The following KIAA0232 variants were observed in gnomAD, a reference collection of about 807,000 sequenced individuals.
KIAA0232 encodes uncharacterized protein KIAA0232.
In KIAA0232, 27 loss-of-function variants were observed where a neutral mutation model predicts 122.0. That is an observed-to-expected ratio of 0.22 (90% confidence interval 0.16 to 0.31). The LOEUF (loss-of-function observed/expected upper bound fraction) is 0.31, where lower values mean the gene tolerates loss of function less well. KIAA0232 is among the 10% of genes least tolerant of loss of function. The probability of loss-of-function intolerance (pLI) is 1.00; values close to 1 mark genes in which losing one functional copy is unlikely to be tolerated. For synonymous variants in KIAA0232, 613 were observed against 587.6 expected (o/e 1.04, Z -0.63); for missense variants, 1,551 against 1,634.2 (o/e 0.95, Z 0.88).
rs1450519654 is a variant in KIAA0232 at position 6,855,928 on chromosome 4, T to A, written c.370-1236T>A. ...GCAGGTGCTTTCTGGTGCAACTGTT[T>A]GTGGTTGAACAGTGTTTATGACTAA... is the stretch of plus-strand genomic sequence containing the variant. On this transcript the variant is annotated intron_variant, in intron 4 of 9. Coordinates refer to ENST00000307659, the MANE Select transcript of KIAA0232 (RefSeq NM_014743.3). The surrounding 1 kb of genome is among the most constrained non-coding windows in gnomAD (Gnocchi z 4.3). The A allele has an allele frequency of 3.4e-6, 3 of 882,992 alleles. No homozygotes were observed. Among genetic ancestry groups the A allele is most frequent in the Non-Finnish European group, 4.1e-6 (3 of 736,610 alleles). The allele number at this position is 882,992 out of a possible 1,614,324, so 54.7% of individuals were successfully genotyped here. A position where few individuals can be genotyped will look rare whatever the true frequency, so the allele number is the denominator to read the frequency against.
rs780913043 is a variant in KIAA0232, at chr4:6,880,916, G to A, written c.4138G>A (p.Glu1380Lys). 15 of 1,604,460 alleles carry A rather than the reference G, an allele frequency of 9.3e-6. No homozygotes were observed. In the African/African-American group the frequency reaches 1.1e-4, roughly 11 times the overall value. ...SEETGSEGGG[E>K]WVGPSEEELF... ...AGAGACAGGCTCAGAAGGCGGAGGC[G>A]AGTGGGTGGGCCCTAGTGAAGAGGA... The change falls in exon 10 of 10, where the codon GAG becomes AAG. Residue 1380 changes from glutamate (E) to lysine (K), a missense_variant. Physicochemically the swap from Glu to Lys is moderately conservative, Grantham distance 56. Around this residue, in one of 5 missense-constraint regions of KIAA0232, gnomAD observed 1,108 missense variants for 1,154.8 expected, o/e 0.96. Transcript: ENST00000307659.
At chr4:6,878,632 T>C (rs1264220344) in intron 9 of KIAA0232, among the ~76,000 whole-genome samples, 1 of 152,180 alleles carries the variant, frequency 6.6e-6, no homozygotes, top group African/African-American at 2.4e-5. Context: ...TCCCTTTGCC[T>C]TCAGCAAGCA....
At chr4:6,827,115 T>C (rs563001475) in intron 3 of KIAA0232, among the ~76,000 whole-genome samples, 1 of 152,208 alleles carries the variant, frequency 6.6e-6, no homozygotes, top group African/African-American at 2.4e-5. Flanking sequence ...ATTTTTCTAC[T>C]TGGTCCAAAG....
At chr4:6,797,782 A>AG (rs995177021) in intron 1 of KIAA0232, among the ~76,000 whole-genome samples, 3 of 151,418 alleles carry the variant, frequency 2.0e-5, no homozygotes, top group African/African-American at 7.3e-5. Context: ...AAAAAAAAAA[A>AG]AAAAAAAGGC....
intron 2 of KIAA0232, among the ~76,000 whole-genome samples, chr4:6,814,292 G>C (rs1718016919): frequency 6.6e-6 from 1 of 151,792 alleles, no homozygotes; most frequent in African/African-American, 2.4e-5. Context: ...CTTTGTTGTA[G>C]AGAACTGCAA....
intron 1 of KIAA0232, among the ~76,000 whole-genome samples, chr4:6,803,603 A>G (rs1375562016): frequency 6.6e-6 from 1 of 152,200 alleles, no homozygotes; most frequent in African/African-American, 2.4e-5. Flanking sequence ...TATTCACTTA[A>G]AGAGAATACT....
intron 3 of KIAA0232, among the ~76,000 whole-genome samples, chr4:6,836,834 A>G (rs1321205931): frequency 6.6e-6 from 1 of 151,970 alleles, no homozygotes; most frequent in East Asian, 1.9e-4. Flanking sequence ...TAGTGGACAC[A>G]GCACATGTTT....
chr4:6,799,405 G>T (rs1314873481), intron 1 of KIAA0232, among the ~76,000 whole-genome samples: 1 of 151,498 alleles, frequency 6.6e-6, no homozygotes. Flanking sequence ...GGGGGAAACA[G>T]TTCAGTCCAC....
At chr4:6,795,291 C>G (rs1366655571) in intron 1 of KIAA0232, among the ~76,000 whole-genome samples, 1 of 152,136 alleles carries the variant, frequency 6.6e-6, no homozygotes, top group Non-Finnish European at 1.5e-5. Context: ...CCAGGATGAT[C>G]TCGATCTCCT....
Position 6,880,982 on chromosome 4 carries a change from C to A in KIAA0232, c.*16C>A. 1 of 1,446,506 alleles carries A rather than the reference C, an allele frequency of 6.9e-7. No homozygotes were observed. The highest frequency in any genetic ancestry group is 2.6e-5 in the East Asian group (1 of 38,778). The allele number at this position is 1,446,506 out of a possible 1,614,324, so 89.6% of individuals were successfully genotyped here. On this transcript the variant is annotated 3_prime_UTR_variant, in exon 10 of 10. Coordinates refer to ENST00000307659, the MANE Select transcript of KIAA0232 (RefSeq NM_014743.3). ...TCATCTCTAAACCTGCAAAATAGTACAAATTATTGTTTAAAAATGATATGT... is the reference window on the plus strand; with the variant it reads ...TCATCTCTAAACCTGCAAAATAGTAAAAATTATTGTTTAAAAATGATATGT...
chr4:6,837,081 C>CCT (rs1719336149), intron 3 of KIAA0232, among the ~76,000 whole-genome samples: 1 of 152,188 alleles, frequency 6.6e-6, no homozygotes, highest in African/African-American at 2.4e-5. Flanking sequence ...GACGGGGTGG[C>CCT]GGCCGGGCAG....
chr4:6,844,044 A>G lies in KIAA0232; in HGVS notation c.369+1840A>G, dbSNP rs985025740. 4.4e-5 allele frequency among the ~76,000 whole-genome samples: 6 copies of G among 135,892 alleles called. 1 individual carries two copies. The highest frequency in any genetic ancestry group is 1.7e-4 in the African/African-American group (6 of 36,246). The allele number at this position is 135,892 out of a possible 152,430, so 89.2% of individuals were successfully genotyped here. ...AAGCTCCGCCTCCTGGGTTCATGCC[A>G]TTCTTCTGCCTCAGCCTCCTGAATA... On this transcript the variant is annotated intron_variant, in intron 4 of 9. Coordinates refer to ENST00000307659, the MANE Select transcript of KIAA0232 (RefSeq NM_014743.3).
At chr4:6,826,879 T>A (rs1019200105) in intron 3 of KIAA0232, among the ~76,000 whole-genome samples, 1 of 152,208 alleles carries the variant, frequency 6.6e-6, no homozygotes, top group African/African-American at 2.4e-5. Flanking sequence ...AATAAGATTA[T>A]AGTAATAACA....
intron 2 of KIAA0232, among the ~76,000 whole-genome samples, chr4:6,808,946 T>C (rs1577363229): frequency 6.6e-6 from 1 of 152,234 alleles, no homozygotes; most frequent in East Asian, 1.9e-4. Context: ...GAGGAACCCA[T>C]TCCCAGGAGG....
chr4:6,863,646 G>C lies in KIAA0232; in HGVS notation c.3264G>C (p.Arg1088Ser), dbSNP rs373516729. The change falls in exon 7 of 10, where the codon AGG (arginine) becomes AGC (serine). Residue 1088 changes from arginine to serine, a missense_variant. By Grantham distance (110) the Arg-to-Ser change is moderately radical. Transcript: ENST00000307659. Reference sequence around the variant, plus strand: ...CAGACAGTGAAGTGTTTCACCCCAGGATATGTGGTGTTGACAGAACACAAT... The same window carrying C: ...CAGACAGTGAAGTGTTTCACCCCAGCATATGTGGTGTTGACAGAACACAAT... ...SDSDSEVFHP[R>S]ICGVDRTQYR... 6.2e-7 allele frequency: 1 copy of C among 1,614,128 alleles called. No homozygotes were observed. The highest frequency in any genetic ancestry group is 1.1e-5 in the South Asian group (1 of 91,084).
At chr4:6,840,591 A>C (rs765427905) in intron 3 of KIAA0232, among the ~76,000 whole-genome samples, 1 of 152,182 alleles carries the variant, frequency 6.6e-6, no homozygotes, top group Non-Finnish European at 1.5e-5. Context: ...ACCTGATAAT[A>C]GACTCTCATG....
intron 7 of KIAA0232, among the ~76,000 whole-genome samples, chr4:6,870,275 G>T (rs1721403293): frequency 6.6e-6 from 1 of 152,228 alleles, no homozygotes. Flanking sequence ...AAAGGACAGA[G>T]CCTGGGTTCA....
chr4:6,817,270 T>C (rs546988163), intron 2 of KIAA0232, among the ~76,000 whole-genome samples: 15 of 152,280 alleles, frequency 9.9e-5, no homozygotes, highest in South Asian at 2.1e-4. Context: ...TACTTCCTAA[T>C]TGGCATGATC....
At position 6,855,029 on chromosome 4, in the gene KIAA0232, C is replaced by T. The variant is rs550941258; in HGVS notation, c.370-2135C>T. On this transcript the variant is annotated intron_variant, in intron 4 of 9. Coordinates refer to ENST00000307659, the MANE Select transcript of KIAA0232 (RefSeq NM_014743.3). The surrounding 1 kb of genome is among the most constrained non-coding windows in gnomAD (Gnocchi z 4.3). ...AGCTTCTGCTGTGCCTCTATGCTTC[C>T]CAGCTTGCTGTGATGGTGACCCAGG... Among the ~76,000 whole-genome samples, 1 of 152,144 alleles carries T rather than the reference C, an allele frequency of 6.6e-6. No homozygotes were observed. The highest frequency in any genetic ancestry group is 1.9e-4 in the East Asian group (1 of 5,176).
Sources: allele counts gnomAD v4.1 joint callset (sites outside exome capture counted in the v4.1 genomes callset), GRCh38; gene constraint gnomAD v4.1.1; regional missense constraint gnomAD v4.1.1; non-coding constraint Gnocchi (gnomAD v3.1); transcripts MANE v1.5; gene names NCBI Gene and HGNC (gene_info 2026-07-23, HGNC 2026-07-21).